OSBPL10: variants seen among roughly 807,000 people sequenced by gnomAD.
The protein encoded by OSBPL10 is oxysterol-binding protein-related protein 10.
Under a neutral mutation model 81.7 loss-of-function variants are expected in OSBPL10, and 49 were observed. The ratio of observed to expected loss-of-function variants is 0.60; its 90% CI spans 0.48 to 0.76. The LOEUF (loss-of-function observed/expected upper bound fraction) is 0.76, where lower values mean the gene tolerates loss of function less well. Among genes scored for constraint, OSBPL10 ranks in the 30% least tolerant of loss-of-function variants. OSBPL10 has a pLI of 0.00. For synonymous variants in OSBPL10, 419 were observed against 383.6 expected (o/e 1.09, Z -1.08); for missense variants, 923 against 987.8 (o/e 0.93, Z 0.88).
At chr3:31,880,423 A>T (rs769879786) in intron 1 of OSBPL10, among the ~76,000 whole-genome samples, 6 of 152,154 alleles carry the variant, frequency 3.9e-5, no homozygotes, top group Non-Finnish European at 7.3e-5. Flanking sequence ...TTGAAATGCC[A>T]CTGAACTCTA....
At chr3:31,735,835 T>A (rs1416566326) in intron 5 of OSBPL10, among the ~76,000 whole-genome samples, 1 of 152,126 alleles carries the variant, frequency 6.6e-6, no homozygotes, top group Non-Finnish European at 1.5e-5. Context: ...CTTAGCACTG[T>A]CTGAACTCAC....
At chr3:31,903,190 A>G (rs1234532992) in intron 1 of OSBPL10, among the ~76,000 whole-genome samples, 1 of 152,218 alleles carries the variant, frequency 6.6e-6, no homozygotes, top group Non-Finnish European at 1.5e-5. Flanking sequence ...ACAGTGGGAA[A>G]ACATAACAAA....
At chr3:31,678,659 A>C (rs1414165907) in intron 8 of OSBPL10, among the ~76,000 whole-genome samples, 2 of 152,148 alleles carry the variant, frequency 1.3e-5, no homozygotes, top group Non-Finnish European at 2.9e-5. Context: ...ACTCCAATTT[A>C]AGAATCTGGC....
chr3:31,938,394 C>T (rs1261831544), intron 1 of OSBPL10, among the ~76,000 whole-genome samples: 1 of 152,190 alleles, frequency 6.6e-6, no homozygotes, highest in Admixed American at 6.5e-5. Context: ...AACCACACAA[C>T]CATTAACAGC....
At chr3:31,747,137 C>A (rs1697550768) in intron 5 of OSBPL10, among the ~76,000 whole-genome samples, 1 of 152,046 alleles carries the variant, frequency 6.6e-6, no homozygotes, top group African/African-American at 2.4e-5. Context: ...GAGTTCTGGA[C>A]CAGCCTGACT....
intron 2 of OSBPL10, among the ~76,000 whole-genome samples, chr3:32,029,534 C>T (rs1217916066): frequency 6.6e-6 from 1 of 152,098 alleles, no homozygotes; most frequent in Admixed American, 6.6e-5. Context: ...TGTACAGATA[C>T]GGATATGTTC....
intron 1 of OSBPL10, among the ~76,000 whole-genome samples, chr3:31,965,743 T>TATAATATATATTATATTAAAAG (rs1279800389): frequency 3.0e-5 from 2 of 66,468 alleles, no homozygotes; most frequent in African/African-American, 1.3e-4. Context: ...TATCTATTTA[T>TATAATATATATTATATTAAAAG]ATAATATATA....
Position 31,937,432 on chromosome 3 carries a change from G to A in OSBPL10, c.281+43467C>T, listed in dbSNP as rs1697407966. Among the ~76,000 whole-genome samples the A allele has an allele frequency of 2.0e-5, 3 of 152,108 alleles. No individual in the cohort carries two copies. The South Asian group carries it at 6.2e-4, about 32-fold the overall frequency. On this transcript the variant is annotated intron_variant, in intron 1 of 11. Transcript: ENST00000396556. The stretch of plus-strand genomic sequence containing the variant: ...GAAGGCATAGCCAACTTGCCTCAAG[G>A]CAGAAATTTGGACAGCATCAATTTA...
At chr3:32,056,661 C>A (rs1699714957) in intron 1 of OSBPL10, among the ~76,000 whole-genome samples, 1 of 152,202 alleles carries the variant, frequency 6.6e-6, no homozygotes, top group African/African-American at 2.4e-5. Context: ...AATATCATTG[C>A]CCCTATTCAG....
At chr3:31,762,013 G>A (rs368181846) in intron 4 of OSBPL10, among the ~76,000 whole-genome samples, 3 of 152,092 alleles carry the variant, frequency 2.0e-5, no homozygotes, top group East Asian at 1.9e-4. Flanking sequence ...AGCAATAGGA[G>A]AAGTCAAAGT....
At chr3:31,814,820 C>T (rs998507187) in intron 4 of OSBPL10, among the ~76,000 whole-genome samples, 8 of 152,144 alleles carry the variant, frequency 5.3e-5, no homozygotes, top group Admixed American at 2.0e-4. Context: ...GGATATGGGG[C>T]TATTTAGGCT....
At chr3:31,804,441 A>G (rs1699473852) in intron 4 of OSBPL10, among the ~76,000 whole-genome samples, 1 of 152,250 alleles carries the variant, frequency 6.6e-6, no homozygotes, top group Non-Finnish European at 1.5e-5. Flanking sequence ...AAGTAAGCAA[A>G]TGACCCAGCC....
chr3:32,069,179 A>C (rs540830755), intron 1 of OSBPL10, among the ~76,000 whole-genome samples: 1 of 152,288 alleles, frequency 6.6e-6, no homozygotes, highest in South Asian at 2.1e-4. Context: ...TATATACAGG[A>C]ATTCCGATAT....
At chr3:31,871,622 G>A (rs531634813) in intron 3 of OSBPL10, among the ~76,000 whole-genome samples, 119 of 152,286 alleles carry the variant, frequency 7.8e-4, no homozygotes, top group African/African-American at 2.7e-3. Flanking sequence ...TATAATCCCA[G>A]CACTTTGGGA....
intron 4 of OSBPL10, among the ~76,000 whole-genome samples, chr3:31,768,061 A>G (rs1216133563): frequency 1.3e-5 from 2 of 152,084 alleles, no homozygotes; most frequent in Non-Finnish European, 2.9e-5. Flanking sequence ...ATTGTTCATG[A>G]GTTTTCCGGG....
chr3:31,714,484 T>C (rs1335796766), intron 6 of OSBPL10: 1 of 152,700 alleles, frequency 6.5e-6, no homozygotes, highest in Non-Finnish European at 1.5e-5. Context: ...CAAAATGGAC[T>C]AGTCAAAACT....
intron 4 of OSBPL10, among the ~76,000 whole-genome samples, chr3:31,785,114 G>A (rs1698829060): frequency 1.3e-5 from 2 of 152,080 alleles, no homozygotes; most frequent in African/African-American, 4.8e-5. Flanking sequence ...TGAACTTCCG[G>A]CCTCAAGTGA....
intron 1 of OSBPL10, among the ~76,000 whole-genome samples, chr3:31,955,411 T>TATGA (rs1194792677): frequency 6.6e-6 from 1 of 152,140 alleles, no homozygotes; most frequent in African/African-American, 2.4e-5. Context: ...AAAAGAACCA[T>TATGA]ATGAGCCCAA....
intron 4 of OSBPL10, among the ~76,000 whole-genome samples, chr3:31,809,306 T>A (rs554610337): frequency 6.6e-6 from 1 of 152,032 alleles, no homozygotes; most frequent in Admixed American, 6.5e-5. Context: ...AGTCGCCCAA[T>A]CAAGTAGAAC....
Sources: allele counts gnomAD v4.1 joint callset (sites outside exome capture counted in the v4.1 genomes callset), GRCh38; gene constraint gnomAD v4.1.1; transcripts MANE v1.5; gene names NCBI Gene and HGNC (gene_info 2026-07-23, HGNC 2026-07-21).